NCAM2: variants seen among roughly 807,000 people sequenced by gnomAD.
NCAM2 encodes N-CAM-2.
In NCAM2, 30 loss-of-function variants were observed where a neutral mutation model predicts 98.1. The ratio of observed to expected loss-of-function variants is 0.31; its 90% confidence interval spans 0.23 to 0.41. The LOEUF (loss-of-function observed/expected upper bound fraction) is 0.41, where lower values mean the gene tolerates loss of function less well. NCAM2 is among the 10% of genes least tolerant of loss of function. The pLI is 1.00. For synonymous variants in NCAM2, 368 were observed against 342.4 expected (o/e 1.07, Z -0.83); for missense variants, 867 against 1,005.8 (o/e 0.86, Z 1.87).
At chr21:21,035,700 TTAAGAGTATTTGA>T (rs1460928440) in intron 1 of NCAM2, among the ~76,000 whole-genome samples, 1 of 152,174 alleles carries the variant, frequency 6.6e-6, no homozygotes, top group Non-Finnish European at 1.5e-5. Context: ...GAAACTGTAT[TTAAGAGTATTTGA>T]TAAGAGTGTT....
At chr21:21,071,911 C>CTA (rs1032971782) in intron 1 of NCAM2, among the ~76,000 whole-genome samples, 2 of 143,882 alleles carry the variant, frequency 1.4e-5, no homozygotes, top group African/African-American at 5.3e-5. Context: ...ATCTATCTAT[C>CTA]TATCTATCTA....
At chr21:21,311,116 A>G (rs1415332057) in intron 5 of NCAM2, among the ~76,000 whole-genome samples, 1 of 152,232 alleles carries the variant, frequency 6.6e-6, no homozygotes, top group Non-Finnish European at 1.5e-5. Context: ...CTACACAAAC[A>G]TATCAAGCTG....
intron 1 of NCAM2, among the ~76,000 whole-genome samples, chr21:21,249,289 A>G (rs1200922482): frequency 6.6e-6 from 1 of 152,180 alleles, no homozygotes; most frequent in African/African-American, 2.4e-5. Context: ...ATCTTTAGCT[A>G]ATACAATTAT....
chr21:21,083,934 G>T (rs1238759693), intron 1 of NCAM2, among the ~76,000 whole-genome samples: 1 of 152,170 alleles, frequency 6.6e-6, no homozygotes, highest in African/African-American at 2.4e-5. Context: ...TTGTGTATAT[G>T]TTGGGGAGAG....
intron 1 of NCAM2, among the ~76,000 whole-genome samples, chr21:21,084,892 G>T (rs1412028141): frequency 6.6e-6 from 1 of 152,106 alleles, no homozygotes; most frequent in African/African-American, 2.4e-5. Flanking sequence ...GTACTTGAAA[G>T]TCTTGCTCAT....
Position 21,503,766 on chromosome 21 carries a change from T to G in NCAM2, c.2078-5085T>G, listed in dbSNP as rs76726603. Among the ~76,000 whole-genome samples, 1,137 of 152,028 alleles carry G rather than the reference T, an allele frequency of 7.5e-3. 17 individuals carry two copies. The highest frequency in any genetic ancestry group is 0.026 in the African/African-American group (1,092 of 41,532). ...GATTTAGAAAGTCAATTTCCAAATTTCATGGGGTTAGAGAAAATGCAGCTC... is the reference window on the plus strand; with the variant it reads ...GATTTAGAAAGTCAATTTCCAAATTGCATGGGGTTAGAGAAAATGCAGCTC... On this transcript the variant is annotated intron_variant, in intron 15 of 17. Transcript: ENST00000400546.
At chr21:21,331,517 C>CTATATATATATATACTCTATA (rs2074689045) in intron 6 of NCAM2, among the ~76,000 whole-genome samples, 1 of 6,930 alleles carries the variant, frequency 1.4e-4, no homozygotes, top group Non-Finnish European at 2.6e-4. Flanking sequence ...CTCTCTCTCT[C>CTATATATATATATACTCTATA]TATATATATA....
intron 1 of NCAM2, among the ~76,000 whole-genome samples, chr21:21,057,899 C>T (rs1348295320): frequency 6.6e-6 from 1 of 151,998 alleles, no homozygotes; most frequent in African/African-American, 2.4e-5. Flanking sequence ...TTCCCTACCC[C>T]TTATGGAGAC....
chr21:21,168,427 A>G (rs1044156602), intron 1 of NCAM2, among the ~76,000 whole-genome samples: 1 of 152,110 alleles, frequency 6.6e-6, no homozygotes, highest in Non-Finnish European at 1.5e-5. Context: ...TCATCATTGT[A>G]CTGGAAGTCC....
At chr21:21,470,352 CTTT>C (rs1984283661) in intron 14 of NCAM2, among the ~76,000 whole-genome samples, 2 of 152,082 alleles carry the variant, frequency 1.3e-5, no homozygotes, top group Admixed American at 1.3e-4. Flanking sequence ...TAGAATTAAT[CTTT>C]TTTGAGAAGT....
At chr21:21,064,524 C>T (rs1312043489) in intron 1 of NCAM2, among the ~76,000 whole-genome samples, 1 of 152,188 alleles carries the variant, frequency 6.6e-6, no homozygotes, top group African/African-American at 2.4e-5. Context: ...AAAGCATTGT[C>T]TTCCACCTGC....
At position 21,538,277 on chromosome 21, in the gene NCAM2, C is replaced by T. The variant is rs1481992001; in HGVS notation, c.*320C>T. On this transcript the variant is annotated 3_prime_UTR_variant, in exon 18 of 18. Coordinates refer to ENST00000400546, the MANE Select transcript of NCAM2 (RefSeq NM_004540.5). ...GCTAAAGTGCTCTATTTATTAAGAA[C>T]TATATTTAATACCACCAACAAATAT... is the stretch of plus-strand genomic sequence containing the variant. The T allele has an allele frequency of 1.3e-4, 21 of 166,076 alleles. No homozygotes were observed. The highest frequency in any genetic ancestry group is 1.3e-5 in the Non-Finnish European group (1 of 77,690). 10.3% of individuals were successfully genotyped at this position (166,076 alleles called of 1,614,324 possible).
chr21:21,456,343 C>T (rs1241637544), intron 12 of NCAM2, among the ~76,000 whole-genome samples: 6 of 152,096 alleles, frequency 3.9e-5, no homozygotes, highest in Non-Finnish European at 7.4e-5. Context: ...ATCTGATTGA[C>T]TTTATTCTGA....
chr21:21,163,926 C>T (rs2146797306), intron 1 of NCAM2, among the ~76,000 whole-genome samples: 1 of 152,230 alleles, frequency 6.6e-6, no homozygotes, highest in South Asian at 2.1e-4. Flanking sequence ...AGTTTGGGTT[C>T]TGATGGCCCC....
At chr21:21,389,877 G>A (rs1040741790) in intron 9 of NCAM2, among the ~76,000 whole-genome samples, 12 of 152,114 alleles carry the variant, frequency 7.9e-5, no homozygotes, top group Admixed American at 7.2e-4. Context: ...ATGAGGCGGA[G>A]TCTCACTCTG....
chr21:21,258,905 C>T (rs2071778753), intron 1 of NCAM2, among the ~76,000 whole-genome samples: 2 of 152,110 alleles, frequency 1.3e-5, no homozygotes, highest in Non-Finnish European at 2.9e-5. Flanking sequence ...GAGAAAAGTA[C>T]AGCTCCATAA....
At chr21:21,220,958 T>TA (rs1305666497) in intron 1 of NCAM2, among the ~76,000 whole-genome samples, 10 of 152,180 alleles carry the variant, frequency 6.6e-5, no homozygotes, top group Non-Finnish European at 1.3e-4. Context: ...ATGCCTTGAG[T>TA]AAGTCTGTCA....
chr21:21,159,861 T>TA (rs141404389), intron 1 of NCAM2, among the ~76,000 whole-genome samples: 18 of 151,776 alleles, frequency 1.2e-4, no homozygotes, highest in Admixed American at 2.6e-4. Context: ...ATTTATAATG[T>TA]AAAAAAAATG....
chr21:21,527,504 T>A (rs1485639834), intron 16 of NCAM2, among the ~76,000 whole-genome samples: 3 of 152,150 alleles, frequency 2.0e-5, no homozygotes, highest in Non-Finnish European at 4.4e-5. Context: ...TCTTAAACTC[T>A]ATATAATAAA....
Sources: gnomAD v4.1 joint callset for allele counts (sites outside exome capture counted in the v4.1 genomes callset) on GRCh38, gnomAD v4.1.1 for gene constraint, MANE v1.5 for transcripts, NCBI Gene and HGNC (gene_info 2026-07-23, HGNC 2026-07-21) for gene names.